MAPK8IP2: variants seen among roughly 807,000 people sequenced by gnomAD.
MAPK8IP2 encodes C-Jun-amino-terminal kinase-interacting protein 2.
A neutral mutation model predicts 75.6 loss-of-function variants in MAPK8IP2; 15 were observed. That is an observed-to-expected ratio of 0.20 (90% confidence interval 0.13 to 0.31). The LOEUF is 0.31. Among genes scored for constraint, MAPK8IP2 ranks in the 10% least tolerant of loss-of-function variants. The pLI, the probability that MAPK8IP2 is intolerant of heterozygous loss-of-function variation, is 1.00. For missense variants in MAPK8IP2, 1,089 were observed against 1,211.2 expected, an observed-to-expected ratio of 0.90 and a Z score of 1.50; for synonymous variants, 632 against 554.5, an observed-to-expected ratio of 1.14 and a Z score of -1.96.
chr22:50,606,032 G>A, intron 8 of MAPK8IP2, 98 bp downstream of exon 8: 1 of 1,013,170 alleles, frequency 9.9e-7, no homozygotes, highest in African/African-American at 1.6e-5. Flanking sequence ...AAGGTCTGAG[G>A]TCTGATTTCC....
At position 50,604,701 on chromosome 22, in the gene MAPK8IP2, T is replaced by C. The variant is rs1250719996; in HGVS notation, c.1402T>C (p.Ser468Pro). ...RPGRACSAAC[S>P]EEEDEEDDEE... ...GGGACGAGCCTGCTCCGCCGCCTGCTCCGAGGAGGAGGACGAAGAGGACGA... is the reference window on the plus strand; with the variant it reads ...GGGACGAGCCTGCTCCGCCGCCTGCCCCGAGGAGGAGGACGAAGAGGACGA... Residue 468 changes from serine (S) to proline (P), a missense_variant, in exon 5 of 12, where the codon TCC (serine) becomes CCC (proline). Coordinates refer to ENST00000329492, the MANE Select transcript of MAPK8IP2 (RefSeq NM_012324.6). The C allele has an allele frequency of 2.6e-6, 4 of 1,526,916 alleles. No homozygotes were observed. The South Asian group carries it at 3.7e-5, about 14-fold the overall frequency. 94.6% of individuals were successfully genotyped at this position (1,526,916 alleles called of 1,614,324 possible). A position where few individuals can be genotyped will look rare whatever the true frequency, so the allele number is the denominator to read the frequency against.
rs1466410083 is a variant in MAPK8IP2, at chr22:50,606,697, C to T, written c.2164C>T (p.Pro722Ser). ...ARKLTVHLRP[P>S]ASCDLEISLR... ...GAAACTGACCGTCCACCTGCGCCCT[C>T]CTGCCTCCTGTGACCTCGAGATCTC... The change falls in exon 9 of 12, where the codon CCT becomes TCT. Residue 722 changes from proline to serine, a missense_variant. Around this residue, in one of 2 missense-constraint regions of MAPK8IP2, gnomAD observed 129 missense variants for 201.7 expected, o/e 0.64. Coordinates refer to ENST00000329492, the MANE Select transcript of MAPK8IP2 (RefSeq NM_012324.6). 6.3e-7 allele frequency: 1 copy of T among 1,598,516 alleles called. No individual in the cohort carries two copies.
chr22:50,603,326 A>T lies in MAPK8IP2; in HGVS notation c.275A>T (p.Asp92Val). 3 of 1,560,796 alleles carry T rather than the reference A, an allele frequency of 1.9e-6. No individual in the cohort carries two copies. Among genetic ancestry groups the T allele is most frequent in the Non-Finnish European group, 2.6e-6 (3 of 1,155,338 alleles). Reference sequence around the variant, plus strand: ...ATCGATGACAATGAAGAGGAGGACGATGAGGACGAGGAAGAGGAGGAGGAG... The same window carrying T: ...ATCGATGACAATGAAGAGGAGGACGTTGAGGACGAGGAAGAGGAGGAGGAG... ...EMIDDNEEED[D>V]EDEEEEEEEE... Residue 92 changes from aspartate to valine, a missense_variant, in exon 3 of 12, where the codon GAT (aspartate) becomes GTT (valine). Asp to Val is a radical substitution (Grantham distance 152). Coordinates refer to ENST00000329492, the MANE Select transcript of MAPK8IP2 (RefSeq NM_012324.6).
In MAPK8IP2 at chr22:50,603,886, C is replaced by T. The variant is rs1190779200; in HGVS notation, c.587C>T (p.Ala196Val). The change falls in exon 5 of 12, where the codon GCG becomes GTG. Residue 196 changes from alanine to valine, a missense_variant. Ala to Val is a moderately conservative substitution (Grantham distance 64). Coordinates refer to ENST00000329492, the MANE Select transcript of MAPK8IP2 (RefSeq NM_012324.6). The stretch of plus-strand genomic sequence containing the variant: ...GCCACGGACACCGGGCCCGGCGGGG[C>T]GCAGTCGCCAGTGCGCCCGGGTTGC... ...LPATDTGPGG[A>V]QSPVRPGCDC... 5.2e-6 allele frequency: 8 copies of T among 1,535,112 alleles called. No homozygotes were observed. In the African/African-American group the frequency reaches 8.2e-5, roughly 16 times the overall value.
chr22:50,607,699 C>T lies in MAPK8IP2; in HGVS notation c.2303+708C>T, dbSNP rs563951187. The stretch of plus-strand genomic sequence containing the variant: ...CCCTGGGGGATGGTTGTACTGCAGC[C>T]CACACACCGAGAGGGGATGCGGGAT... On this transcript the variant is annotated intron_variant, in intron 10 of 11. Transcript: ENST00000329492. The surrounding 1 kb of genome is among the most constrained non-coding windows in gnomAD (Gnocchi z 5.6). Among the ~76,000 whole-genome samples, 35 of 151,742 alleles carry T rather than the reference C, an allele frequency of 2.3e-4. No individual in the cohort carries two copies. The South Asian group carries it at 7.3e-3, about 32-fold the overall frequency.
At chr22:50,605,791 G>A (rs760458026) in intron 7 of MAPK8IP2, 34 bp from the exon 8 acceptor site, 3 of 1,595,566 alleles carry the variant, frequency 1.9e-6, no homozygotes, top group Non-Finnish European at 2.6e-6. Context: ...CTGTGCCCCT[G>A]CCTGACCTGG....
rs2071037921 is a variant in MAPK8IP2 at position 50,605,687 on chromosome 22, C to T, written c.1967C>T (p.Pro656Leu). The T allele has an allele frequency of 6.2e-7, 1 of 1,612,304 alleles. No individual in the cohort carries two copies. The highest frequency in any genetic ancestry group is 1.3e-5 in the African/African-American group (1 of 74,936). Residue 656 changes from proline (P) to leucine (L), a missense_variant, in exon 7 of 12, where the codon CCT (proline) becomes CTT (leucine). Coordinates refer to ENST00000329492, the MANE Select transcript of MAPK8IP2 (RefSeq NM_012324.6). ...NMRTGERGVF[P>L]AFYAHAVPGP... is the part of the protein sequence containing the mutation. ...CGCACGGGGGAGCGCGGTGTGTTTC[C>T]TGCCTTCTACGCCCATGCGGTGCCC...
Position 50,604,087 on chromosome 22 carries a change from G to C in MAPK8IP2, c.788G>C (p.Arg263Pro). The change falls in exon 5 of 12, where the codon CGC (arginine) becomes CCC (proline). Residue 263 changes from arginine (R) to proline (P), a missense_variant. Coordinates refer to ENST00000329492, the MANE Select transcript of MAPK8IP2 (RefSeq NM_012324.6). Reference sequence around the variant, plus strand: ...GACTCGGAGGACGCGGGCGGCGCGCGCCTGGGGCGCATGATCTCGTCCATC... The same window carrying C: ...GACTCGGAGGACGCGGGCGGCGCGCCCCTGGGGCGCATGATCTCGTCCATC... ...GSDSEDAGGA[R>P]LGRMISSISE... 6.5e-7 allele frequency: 1 copy of C among 1,546,848 alleles called. No homozygotes were observed. The highest frequency in any genetic ancestry group is 8.7e-7 in the Non-Finnish European group (1 of 1,155,004).
At chr22:50,609,855 A>G (rs973510595) in intron 10 of MAPK8IP2, 7 of 520,700 alleles carry the variant, frequency 1.3e-5, no homozygotes, top group Non-Finnish European at 2.6e-5. Flanking sequence ...AGGAGGCCTG[A>G]GTTGGCAGGA....
chr22:50,606,980 C>T lies in MAPK8IP2; in HGVS notation c.2292C>T (p.Pro764=). 6.2e-7 allele frequency: 1 copy of T among 1,613,738 alleles called. No individual in the cohort carries two copies. Among genetic ancestry groups the T allele is most frequent in the South Asian group, 1.1e-5 (1 of 91,080 alleles). ...MKNISFCGCH[P]RNSCYFGFIT... is the part of the protein sequence containing the mutation. Reference sequence around the variant, plus strand: ...ACATCTCCTTCTGCGGCTGCCATCCCCGCAACAGCTGGTGAGAGTCTGACC... The same window carrying T: ...ACATCTCCTTCTGCGGCTGCCATCCTCGCAACAGCTGGTGAGAGTCTGACC... Residue 764 remains proline, a synonymous_variant, in exon 10 of 12, where the codon CCC becomes CCT. Transcript: ENST00000329492.
Position 50,612,211 on chromosome 22 carries a change from A to G in MAPK8IP2, c.*1432A>G, listed in dbSNP as rs181858660. The G allele has an allele frequency of 1.3e-4, 20 of 152,144 alleles. No individual in the cohort carries two copies. The highest frequency in any genetic ancestry group is 4.6e-4 in the African/African-American group (19 of 41,434). 9.4% of individuals were successfully genotyped at this position (152,144 alleles called of 1,614,324 possible). A position where few individuals can be genotyped will look rare whatever the true frequency, so the allele number is the denominator to read the frequency against. On this transcript the variant is annotated 3_prime_UTR_variant, in exon 12 of 12. Coordinates refer to ENST00000329492, the MANE Select transcript of MAPK8IP2 (RefSeq NM_012324.6). ...AAAAACAATCTACTTAGATCTTAAA[A>G]TGGATATTTAAAAAATTCTCCAGAG...
chr22:50,603,688 G>A lies in MAPK8IP2; in HGVS notation c.510G>A (p.Ala170=). 1 of 1,584,526 alleles carries A rather than the reference G, an allele frequency of 6.3e-7. No homozygotes were observed. Among genetic ancestry groups the A allele is most frequent in the Middle Eastern group, 1.7e-4 (1 of 6,038 alleles). The stretch of plus-strand genomic sequence containing the variant: ...GTCCGGCCTCCTGGCAGGAGACAGC[G>A]CTATGCTCACCCGCCCCGGAGGCCC... ...LVRPASWQET[A]LCSPAPEALR... Residue 170 remains alanine (A), a synonymous_variant, in exon 4 of 12, where the codon GCG becomes GCA. Coordinates refer to ENST00000329492, the MANE Select transcript of MAPK8IP2 (RefSeq NM_012324.6).
At position 50,605,805 on chromosome 22, in the gene MAPK8IP2, C is replaced by A. The variant is rs548289118; in HGVS notation, c.2015-20C>A. The A allele has an allele frequency of 2.5e-5, 39 of 1,591,680 alleles. No individual in the cohort carries two copies. Among genetic ancestry groups the A allele is most frequent in the Non-Finnish European group, 3.2e-5 (37 of 1,170,264 alleles). On this transcript the variant is annotated intron_variant, in intron 7 of 11. Coordinates refer to ENST00000329492, the MANE Select transcript of MAPK8IP2 (RefSeq NM_012324.6). ...CCTGTGCCCCTGCCTGACCTGGGCC[C>A]TCTGTGCCCCGCTCCCCAGGGAGTA...
rs757869599 is a variant in MAPK8IP2 at position 50,605,949 on chromosome 22, C to T, written c.2124+15C>T. On this transcript the variant is annotated intron_variant, in intron 8 of 11. Coordinates refer to ENST00000329492, the MANE Select transcript of MAPK8IP2 (RefSeq NM_012324.6). ...CCATGCAGAAGGTCAGTGTGGAGGC[C>T]GGGCAAGTGCAGGCTGAGGGTCCGC... The T allele has an allele frequency of 2.3e-5, 35 of 1,547,846 alleles. No individual in the cohort carries two copies. The highest frequency in any genetic ancestry group is 5.9e-5 in the South Asian group (5 of 84,418).
chr22:50,604,165 G>A lies in MAPK8IP2; in HGVS notation c.866G>A (p.Arg289His). The change falls in exon 5 of 12, where the codon CGC becomes CAC. Residue 289 changes from arginine (R) to histidine (H), a missense_variant. Coordinates refer to ENST00000329492, the MANE Select transcript of MAPK8IP2 (RefSeq NM_012324.6). ...SSDGGSSSSG[R>H]SSHLTNSIEE... ...GATGGCGGAAGCAGCAGCAGCGGCCGCTCCTCGCACCTCACCAACTCCATC... is the reference window on the plus strand; with the variant it reads ...GATGGCGGAAGCAGCAGCAGCGGCCACTCCTCGCACCTCACCAACTCCATC... 1 of 1,549,872 alleles carries A rather than the reference G, an allele frequency of 6.5e-7. No individual in the cohort carries two copies. Among genetic ancestry groups the A allele is most frequent in the South Asian group, 1.2e-5 (1 of 85,064 alleles).
At position 50,610,669 on chromosome 22, in the gene MAPK8IP2, C is replaced by T. The variant is rs113837562; in HGVS notation, c.2403-38C>T. On this transcript the variant is annotated intron_variant, in intron 11 of 11. Transcript: ENST00000329492. This position sits in a 1 kb window ranked among gnomAD's most constrained non-coding sequence, Gnocchi z 4.3. Reference sequence around the variant, plus strand: ...GGAAGGCAGTTTGGGGGTTGAGGACCGGCCCTGAGTGGCTGGTGGAGGACC... The same window carrying T: ...GGAAGGCAGTTTGGGGGTTGAGGACTGGCCCTGAGTGGCTGGTGGAGGACC... 111 of 1,562,736 alleles carry T rather than the reference C, an allele frequency of 7.1e-5. 2 individuals are homozygous for T. The highest frequency in any genetic ancestry group is 4.9e-4 in the African/African-American group (36 of 73,922).
Position 50,605,304 on chromosome 22 carries a change from C to T in MAPK8IP2, c.1766-64C>T, listed in dbSNP as rs139935871. ...ACTTGGCCTCTGCCCAAGGCCAGGC[C>T]TCTAAGCACTACTCTGACTCTGTCT... On this transcript the variant is annotated intron_variant, in intron 5 of 11. Coordinates refer to ENST00000329492, the MANE Select transcript of MAPK8IP2 (RefSeq NM_012324.6). 9.4e-4 allele frequency: 1,419 copies of T among 1,505,256 alleles called. 21 individuals are homozygous for T. The East Asian group carries it at 0.027, about 29-fold the overall frequency. 93.2% of individuals were successfully genotyped at this position (1,505,256 alleles called of 1,614,324 possible).
intron 2 of MAPK8IP2, among the ~76,000 whole-genome samples, chr22:50,602,256 G>A (rs896220430): frequency 8.5e-5 from 13 of 152,148 alleles, no homozygotes; most frequent in East Asian, 3.9e-4. Flanking sequence ...CTGTGCCCTC[G>A]TCTGCAGCTC....
chr22:50,605,880 C>A lies in MAPK8IP2; in HGVS notation c.2070C>A (p.Ser690=). The A allele has an allele frequency of 6.3e-7, 1 of 1,587,498 alleles. No homozygotes were observed. The highest frequency in any genetic ancestry group is 2.3e-5 in the East Asian group (1 of 43,364). The change falls in exon 8 of 12, where the codon TCC becomes TCA. Residue 690 remains serine, a synonymous_variant. Coordinates refer to ENST00000329492, the MANE Select transcript of MAPK8IP2 (RefSeq NM_012324.6). The part of the protein sequence containing the change: ...VERFDVQFLG[S]VEVPCHQGNG... ...GCTTTGACGTGCAGTTCCTGGGCTC[C>A]GTGGAGGTGCCCTGCCACCAGGGCA...
Sources: gnomAD v4.1 joint callset for allele counts (sites outside exome capture counted in the v4.1 genomes callset) on GRCh38, gnomAD v4.1.1 for gene constraint, gnomAD v4.1.1 regional missense constraint, Gnocchi (gnomAD v3.1) non-coding constraint, MANE v1.5 for transcripts, NCBI Gene and HGNC (gene_info 2026-07-23, HGNC 2026-07-21) for gene names.